CLSTN2: variants seen among roughly 807,000 people sequenced by gnomAD.
CLSTN2 encodes calsyntenin 2.
CLSTN2 carries 48 observed loss-of-function variants against 101.2 expected under a neutral mutation model. That is an observed-to-expected ratio of 0.47 (90% confidence interval 0.38 to 0.60). CLSTN2 has a LOEUF of 0.60. Ranked by LOEUF, CLSTN2 falls within the 20% of genes least tolerant of loss-of-function variation. CLSTN2 has a pLI of 0.00. For missense variants in CLSTN2, 1,160 were observed against 1,238.2 expected (o/e 0.94, Z 0.95); for synonymous variants, 481 against 463.6 (o/e 1.04, Z -0.48).
Position 140,562,891 on chromosome 3 carries a change from C to A in CLSTN2, c.2293C>A (p.Arg765=). 6.2e-7 allele frequency: 1 copy of A among 1,614,098 alleles called. No individual in the cohort carries two copies. Among genetic ancestry groups the A allele is most frequent in the Non-Finnish European group, 8.5e-7 (1 of 1,180,000 alleles). ...CTGGCGTCCGGCTTCCCTTGAGGCC[C>A]GGCGTTTCCGGATTAAGTGCTCAGA... ...RNWRPASLEA[R]RFRIKCSELN... The change falls in exon 14 of 17, where the codon CGG becomes AGG. Residue 765 remains arginine, a synonymous_variant. Coordinates refer to ENST00000458420, the MANE Select transcript of CLSTN2 (RefSeq NM_022131.3).
At chr3:140,001,050 A>G (rs778643027) in intron 1 of CLSTN2, among the ~76,000 whole-genome samples, 2 of 152,186 alleles carry the variant, frequency 1.3e-5, no homozygotes, top group Admixed American at 6.5e-5. Context: ...AAAAGCCTAC[A>G]GTGTTGACTT....
At chr3:140,173,477 G>A (rs1415160674) in intron 1 of CLSTN2, among the ~76,000 whole-genome samples, 1 of 152,092 alleles carries the variant, frequency 6.6e-6, no homozygotes, top group Non-Finnish European at 1.5e-5. Context: ...TAGCATTCTG[G>A]GGTCTGGAAG....
intron 2 of CLSTN2, among the ~76,000 whole-genome samples, chr3:140,243,848 A>G (rs938750471): frequency 2.0e-5 from 3 of 152,208 alleles, no homozygotes; most frequent in African/African-American, 7.2e-5. Flanking sequence ...CTTAGAGTTT[A>G]TCTCCCTGAA....
At chr3:139,996,659 T>C (rs2006668235) in intron 1 of CLSTN2, among the ~76,000 whole-genome samples, 1 of 152,218 alleles carries the variant, frequency 6.6e-6, no homozygotes, top group Admixed American at 6.5e-5. Context: ...ACTGAATGAA[T>C]TCTCATGGTC....
At chr3:140,038,981 T>C (rs2007712072) in intron 1 of CLSTN2, among the ~76,000 whole-genome samples, 1 of 152,200 alleles carries the variant, frequency 6.6e-6, no homozygotes, top group African/African-American at 2.4e-5. Flanking sequence ...TTGACTTCAT[T>C]GGTCTTGGCA....
chr3:140,082,447 A>C (rs917928444), intron 1 of CLSTN2, among the ~76,000 whole-genome samples: 1 of 152,170 alleles, frequency 6.6e-6, no homozygotes, highest in Admixed American at 6.5e-5. Context: ...CAAGGTTGGC[A>C]AATGCATCTT....
At chr3:140,560,750 A>G (rs1468015187) in intron 12 of CLSTN2, among the ~76,000 whole-genome samples, 1 of 152,146 alleles carries the variant, frequency 6.6e-6, no homozygotes, top group African/African-American at 2.4e-5. Context: ...TACCTCAGGG[A>G]GCTCTCAGTC....
chr3:140,221,246 T>TAAA, intron 2 of CLSTN2, among the ~76,000 whole-genome samples: 1 of 152,356 alleles, frequency 6.6e-6, no homozygotes, highest in Non-Finnish European at 1.5e-5. Context: ...AGTGTTTTTC[T>TAAA]AAGTTTAATG....
intron 2 of CLSTN2, among the ~76,000 whole-genome samples, chr3:140,191,494 T>A (rs1165840754): frequency 6.6e-6 from 1 of 151,994 alleles, no homozygotes; most frequent in Non-Finnish European, 1.5e-5. Flanking sequence ...TTTCATTAAA[T>A]GTTTGTTAAA....
intron 2 of CLSTN2, among the ~76,000 whole-genome samples, chr3:140,290,845 C>T (rs561559361): frequency 5.0e-4 from 76 of 152,344 alleles, no homozygotes; most frequent in African/African-American, 1.7e-3. Flanking sequence ...CCTTTACCAT[C>T]CTTCCTTTAG....
At chr3:140,376,832 G>A (rs917029662) in intron 2 of CLSTN2, among the ~76,000 whole-genome samples, 2 of 152,160 alleles carry the variant, frequency 1.3e-5, no homozygotes, top group African/African-American at 4.8e-5. Flanking sequence ...GGTTTGTATT[G>A]TTCTTCTATC....
chr3:140,436,208 A>G (rs1428056077), intron 5 of CLSTN2, among the ~76,000 whole-genome samples: 1 of 152,154 alleles, frequency 6.6e-6, no homozygotes, highest in Non-Finnish European at 1.5e-5. Context: ...AGCTGTTTTC[A>G]TAGTTTGAGG....
chr3:140,488,385 C>T (rs1934279470), intron 8 of CLSTN2, among the ~76,000 whole-genome samples: 1 of 152,182 alleles, frequency 6.6e-6, no homozygotes, highest in South Asian at 2.1e-4. Context: ...CTTCACTTCT[C>T]TGAGCCTTAG....
At position 140,127,061 on chromosome 3, in the gene CLSTN2, CAT is replaced by C. The variant is rs1346627276; in HGVS notation, c.110-48879_110-48878del. On this transcript the variant is annotated intron_variant, in intron 1 of 16. Coordinates refer to ENST00000458420, the MANE Select transcript of CLSTN2 (RefSeq NM_022131.3). ...ATGTGTCATTATATGTATCATATGT[CAT>C]ATATATATATGTCATTCCTTCTCAC... is the stretch of plus-strand genomic sequence containing the variant. Among the ~76,000 whole-genome samples, 425 of 151,522 alleles carry C rather than the reference CAT, an allele frequency of 2.8e-3. 3 individuals are homozygous for C. The highest frequency in any genetic ancestry group is 1.0e-2 in the African/African-American group (410 of 41,182).
At chr3:140,141,339 C>G (rs1389690605) in intron 1 of CLSTN2, among the ~76,000 whole-genome samples, 1 of 152,162 alleles carries the variant, frequency 6.6e-6, no homozygotes, top group South Asian at 2.1e-4. Context: ...CTTGCTTTGA[C>G]CAGATGGAAA....
intron 2 of CLSTN2, among the ~76,000 whole-genome samples, chr3:140,307,176 C>A (rs1211617465): frequency 1.3e-5 from 2 of 152,152 alleles, no homozygotes; most frequent in Non-Finnish European, 2.9e-5. Context: ...GCTTCCCCAG[C>A]CACATGGAAC....
intron 2 of CLSTN2, among the ~76,000 whole-genome samples, chr3:140,190,980 C>T (rs878907253): frequency 3.3e-5 from 5 of 152,112 alleles, no homozygotes; most frequent in Admixed American, 3.3e-4. Context: ...AGAAGATATC[C>T]TTGCCTTGTT....
chr3:140,154,832 G>T (rs1386747145), intron 1 of CLSTN2, among the ~76,000 whole-genome samples: 2 of 151,988 alleles, frequency 1.3e-5, no homozygotes, highest in Non-Finnish European at 2.9e-5. Flanking sequence ...TTTTAGTAGA[G>T]ATGGGATTTC....
At chr3:139,967,056 G>A (rs914400338) in intron 1 of CLSTN2, among the ~76,000 whole-genome samples, 1 of 152,200 alleles carries the variant, frequency 6.6e-6, no homozygotes, top group East Asian at 1.9e-4. Flanking sequence ...TTAAGGTTAT[G>A]CCTGATAAAT....
Sources: gnomAD v4.1 joint callset for allele counts (sites outside exome capture counted in the v4.1 genomes callset) on GRCh38, gnomAD v4.1.1 for gene constraint, MANE v1.5 for transcripts, NCBI Gene and HGNC (gene_info 2026-07-23, HGNC 2026-07-21) for gene names.